The following CTNNA3 variants were observed in gnomAD, a reference collection of about 807,000 sequenced individuals.
CTNNA3 encodes catenin alpha-3.
CTNNA3 carries 76 observed loss-of-function variants against 95.7 expected under a neutral mutation model. That is an observed-to-expected ratio of 0.79 (90% CI 0.66 to 0.96). The LOEUF is 0.96. CTNNA3 is among the 40% of genes least tolerant of loss of function. The probability of loss-of-function intolerance (pLI) is 0.00; values close to 1 mark genes in which losing one functional copy is unlikely to be tolerated. For synonymous variants in CTNNA3, 431 were observed against 374.4 expected, an observed-to-expected ratio of 1.15 and a Z score of -1.74; for missense variants, 1,191 against 1,089.8, an observed-to-expected ratio of 1.09 and a Z score of -1.31.
intron 5 of CTNNA3, among the ~76,000 whole-genome samples, chr10:67,231,449 C>A (rs926936391): frequency 6.6e-6 from 1 of 152,084 alleles, no homozygotes; most frequent in Non-Finnish European, 1.5e-5. Context: ...CTCCAACAGA[C>A]CTGCAGCTGA....
intron 7 of CTNNA3, among the ~76,000 whole-genome samples, chr10:67,066,394 T>C (rs1224409774): frequency 3.9e-5 from 6 of 152,030 alleles, no homozygotes; most frequent in South Asian, 2.1e-4. Flanking sequence ...GGTTGCACCA[T>C]GTTGGCCAGG....
At chr10:67,143,296 A>T (rs1049418546) in intron 7 of CTNNA3, among the ~76,000 whole-genome samples, 1 of 151,776 alleles carries the variant, frequency 6.6e-6, no homozygotes, top group East Asian at 1.9e-4. Flanking sequence ...GTGGCGGGCG[A>T]CTGTAATCCC....
chr10:66,409,431 A>C (rs906802755), intron 11 of CTNNA3, among the ~76,000 whole-genome samples: 1 of 152,090 alleles, frequency 6.6e-6, no homozygotes, highest in Non-Finnish European at 1.5e-5. Flanking sequence ...TTTAAGAAGG[A>C]TAGAGATGAA....
intron 6 of CTNNA3, among the ~76,000 whole-genome samples, chr10:67,182,750 C>G (rs919512590): frequency 6.6e-6 from 1 of 152,108 alleles, no homozygotes; most frequent in African/African-American, 2.4e-5. Context: ...AGTGAACAGG[C>G]AACCTACAGA....
At chr10:67,564,007 G>A (rs1193532357) in intron 3 of CTNNA3, among the ~76,000 whole-genome samples, 3 of 148,936 alleles carry the variant, frequency 2.0e-5, no homozygotes, top group Admixed American at 6.7e-5. Flanking sequence ...GTGCTGGAGA[G>A]GATGTGGAGA....
chr10:65,991,885 T>C (rs1053102396), intron 15 of CTNNA3, among the ~76,000 whole-genome samples: 5 of 152,118 alleles, frequency 3.3e-5, no homozygotes, highest in Non-Finnish European at 5.9e-5. Flanking sequence ...AGCTGTGAGT[T>C]TGTAATATGT....
At chr10:67,750,402 A>T (rs1249183839) in intron 1 of CTNNA3, 1 of 1,487,776 alleles carries the variant, frequency 6.7e-7, no homozygotes, top group East Asian at 2.3e-5. Flanking sequence ...GATGCAGGAT[A>T]TCGCCACATT....
At chr10:66,827,160 A>G (rs1263098072) in intron 7 of CTNNA3, among the ~76,000 whole-genome samples, 1 of 152,054 alleles carries the variant, frequency 6.6e-6, no homozygotes, top group East Asian at 1.9e-4. Context: ...CCAGCTTTCT[A>G]TCCACGTCCA....
intron 10 of CTNNA3, among the ~76,000 whole-genome samples, chr10:66,617,516 C>G (rs917938022): frequency 6.6e-6 from 1 of 152,148 alleles, no homozygotes; most frequent in African/African-American, 2.4e-5. Context: ...AACAACTCTT[C>G]ATGCTAAAAA....
chr10:67,350,028 G>A (rs1203085407), intron 5 of CTNNA3, among the ~76,000 whole-genome samples: 1 of 152,142 alleles, frequency 6.6e-6, no homozygotes, highest in Non-Finnish European at 1.5e-5. Flanking sequence ...GATGAGTCCT[G>A]TTGCAGATGG....
At position 66,741,118 on chromosome 10, in the gene CTNNA3, T is replaced by C. The variant is rs56959842; in HGVS notation, c.1281+25146A>G. ...TACTGCTATAATCAAAGATAAATTA[T>C]GATTAGATTTTTTAAATGATATCTT... On this transcript the variant is annotated intron_variant, in intron 9 of 17. Transcript: ENST00000433211. 3.5e-3 allele frequency among the ~76,000 whole-genome samples: 528 copies of C among 152,322 alleles called. 2 individuals carry two copies. Among genetic ancestry groups the C allele is most frequent in the African/African-American group, 0.012 (496 of 41,572 alleles).
intron 10 of CTNNA3, among the ~76,000 whole-genome samples, chr10:66,609,442 C>T (rs1844249914): frequency 6.7e-6 from 1 of 150,000 alleles, no homozygotes; most frequent in African/African-American, 2.5e-5. Context: ...AAAAAGTGGG[C>T]AAGGTACATG....
At chr10:66,383,434 T>C (rs1423129857) in intron 11 of CTNNA3, among the ~76,000 whole-genome samples, 1 of 151,964 alleles carries the variant, frequency 6.6e-6, no homozygotes, top group Non-Finnish European at 1.5e-5. Flanking sequence ...CTCCAAGAAA[T>C]ATGGGACTAT....
intron 10 of CTNNA3, among the ~76,000 whole-genome samples, chr10:66,585,702 T>C (rs1194571579): frequency 6.6e-6 from 1 of 152,038 alleles, no homozygotes; most frequent in Non-Finnish European, 1.5e-5. Context: ...CTTTCTCTTA[T>C]GTCTCCTTGA....
At chr10:67,307,253 G>C (rs576150184) in intron 5 of CTNNA3, among the ~76,000 whole-genome samples, 18 of 152,152 alleles carry the variant, frequency 1.2e-4, no homozygotes, top group African/African-American at 3.9e-4. Flanking sequence ...CTACATTTTC[G>C]GTTCTCTCTT....
At chr10:67,573,971 G>T (rs1169855857) in intron 3 of CTNNA3, among the ~76,000 whole-genome samples, 1 of 152,162 alleles carries the variant, frequency 6.6e-6, no homozygotes, top group Non-Finnish European at 1.5e-5. Flanking sequence ...AGTGTTAAGA[G>T]AGTACATGTG....
intron 11 of CTNNA3, among the ~76,000 whole-genome samples, chr10:66,516,470 T>C (rs1840862126): frequency 6.6e-6 from 1 of 152,188 alleles, no homozygotes; most frequent in Non-Finnish European, 1.5e-5. Flanking sequence ...AAGCCTAGTG[T>C]TCAATTAGAA....
At chr10:66,637,726 A>G (rs1845384122) in intron 9 of CTNNA3, among the ~76,000 whole-genome samples, 1 of 152,214 alleles carries the variant, frequency 6.6e-6, no homozygotes, top group African/African-American at 2.4e-5. Flanking sequence ...CCCTTGGGAC[A>G]CAGAGTACAA....
chr10:66,520,961 T>C (rs573991531), intron 10 of CTNNA3, among the ~76,000 whole-genome samples, 188 bp from the exon 11 acceptor site: 15 of 151,082 alleles, frequency 9.9e-5, no homozygotes, highest in African/African-American at 3.1e-4. Context: ...AATTAAATTA[T>C]ACTCATTCAT....
Sources: allele counts gnomAD v4.1 joint callset (sites outside exome capture counted in the v4.1 genomes callset), GRCh38; gene constraint gnomAD v4.1.1; transcripts MANE v1.5; gene names NCBI Gene and HGNC (gene_info 2026-07-23, HGNC 2026-07-21).